Variants in USP36 observed in about 807,000 individuals in gnomAD.
USP36 encodes the protein ubiquitin carboxyl-terminal hydrolase 36.
A neutral mutation model predicts 111.5 loss-of-function variants in USP36; 59 were observed. The ratio of observed to expected loss-of-function variants is 0.53; its 90% CI spans 0.43 to 0.66. USP36 has a LOEUF of 0.66. Among genes scored for constraint, USP36 ranks in the 30% least tolerant of loss-of-function variants. USP36 has a pLI of 0.00. For synonymous variants in USP36, 628 were observed against 581.0 expected, an observed-to-expected ratio of 1.08 and a Z score of -1.16; for missense variants, 1,488 against 1,468.0, an observed-to-expected ratio of 1.01 and a Z score of -0.22.
chr17:78,834,235 C>T (rs960739593), intron 4 of USP36, among the ~76,000 whole-genome samples: 2 of 148,008 alleles, frequency 1.4e-5, no homozygotes, highest in Non-Finnish European at 3.0e-5. Flanking sequence ...CAACAGAGTC[C>T]GTCTCAAAAA....
chr17:78,807,721 A>G, intron 13 of USP36, 85 bp from the exon 14 acceptor site: 1 of 1,344,912 alleles, frequency 7.4e-7, no homozygotes, highest in Non-Finnish European at 1.0e-6. Flanking sequence ...AGTGAATCTT[A>G]GTAGCAGGCA....
intron 15 of USP36, 53 bp from the exon 16 acceptor site, chr17:78,804,031 G>A (rs1020246726): frequency 2.2e-6 from 3 of 1,372,906 alleles, no homozygotes; most frequent in Admixed American, 2.1e-5. Context: ...ACCCAGCAGA[G>A]CTGTTCCTTC....
At chr17:78,812,485 C>T (rs1289749011) in intron 13 of USP36, among the ~76,000 whole-genome samples, 1 of 151,712 alleles carries the variant, frequency 6.6e-6, no homozygotes, top group African/African-American at 2.4e-5. Context: ...GTCAGGAGAT[C>T]GAAAGCATCC....
intron 1 of USP36, among the ~76,000 whole-genome samples, chr17:78,839,558 C>CTAA (rs2069044958): frequency 6.6e-6 from 1 of 152,194 alleles, no homozygotes; most frequent in Non-Finnish European, 1.5e-5. Flanking sequence ...CGCTTGAGAA[C>CTAA]CACTTAGGGA....
chr17:78,798,361 C>A lies in USP36; in HGVS notation c.*20+39G>T, dbSNP rs187253459. On this transcript the variant is annotated intron_variant, in intron 20 of 20. Transcript: ENST00000449938. This position sits in a 1 kb window ranked among gnomAD's most constrained non-coding sequence, Gnocchi z 5.1. ...CCTACACACATACACGGCACACACA[C>A]CCCCACCTCACCCTTACACCCACCC... 10 of 1,608,166 alleles carry A rather than the reference C, an allele frequency of 6.2e-6. No individual in the cohort carries two copies. Among genetic ancestry groups the A allele is most frequent in the South Asian group, 3.3e-5 (3 of 90,966 alleles).
At chr17:78,820,968 T>C (rs1284257594) in intron 8 of USP36, 23 bp downstream of exon 8, 3 of 1,601,388 alleles carry the variant, frequency 1.9e-6, no homozygotes, top group East Asian at 2.2e-5. Context: ...ACTGCAAAAG[T>C]GAAGGGCAGG....
At chr17:78,818,586 C>A (rs889141310) in intron 10 of USP36, 81 bp downstream of exon 10, 1 of 1,257,494 alleles carries the variant, frequency 8.0e-7, no homozygotes, top group Non-Finnish European at 1.2e-6. Flanking sequence ...CTATCAAACT[C>A]GTGGCTATCA....
At chr17:78,800,763 T>G (rs2144957068) in intron 17 of USP36, among the ~76,000 whole-genome samples, 1 of 152,248 alleles carries the variant, frequency 6.6e-6, no homozygotes, top group Admixed American at 6.5e-5. Flanking sequence ...AGCGCCTCCT[T>G]GCTGAGCATG....
chr17:78,812,455 C>T (rs999713152), intron 13 of USP36, among the ~76,000 whole-genome samples: 31 of 151,696 alleles, frequency 2.0e-4, no homozygotes, highest in African/African-American at 6.3e-4. Flanking sequence ...TTTGGGAGGC[C>T]GAGGCGGGCA....
At chr17:78,791,780 T>A (rs1313768263), downstream of USP36, 1 of 152,178 alleles carries the variant, frequency 6.6e-6, no homozygotes, top group Non-Finnish European at 1.5e-5. Context: ...AATGATTAGA[T>A]TCTGGTTTCT....
At position 78,803,326 on chromosome 17, in the gene USP36, G is replaced by A. The variant is rs2093803543; in HGVS notation, c.2810+59C>T. ...CCATACCTACTTGGGGGTAGATTCT[G>A]TGGTTTTGCTTTGTTTCTCGTCAGA... On this transcript the variant is annotated intron_variant, in intron 16 of 20. Coordinates refer to ENST00000449938, the MANE Select transcript of USP36 (RefSeq NM_001385174.1). This position sits in a 1 kb window ranked among gnomAD's most constrained non-coding sequence, Gnocchi z 4.6. The A allele has an allele frequency of 7.8e-6, 12 of 1,539,726 alleles. No individual in the cohort carries two copies. The highest frequency in any genetic ancestry group is 2.7e-5 in the African/African-American group (2 of 73,274).
chr17:78,804,798 A>C (rs1337350295), intron 15 of USP36, among the ~76,000 whole-genome samples: 2 of 152,106 alleles, frequency 1.3e-5, no homozygotes, highest in African/African-American at 4.8e-5. Context: ...AAACATCTTT[A>C]ATACAAATGT....
intron 6 of USP36, chr17:78,823,277 G>A (rs529070364): frequency 1.5e-5 from 6 of 398,308 alleles, no homozygotes; most frequent in South Asian, 2.6e-4. Context: ...TAGCAAGGAC[G>A]TAATCTCTGC....
chr17:78,789,179 A>G (rs1442650599), intron 3 of USP36, among the ~76,000 whole-genome samples: 1 of 147,628 alleles, frequency 6.8e-6, no homozygotes, highest in Non-Finnish European at 1.5e-5. Flanking sequence ...CCTGGGCAAC[A>G]AGAGAGAAAC....
At chr17:78,795,056 G>A (rs898093061), downstream of USP36, among the ~76,000 whole-genome samples, 6 of 149,264 alleles carry the variant, frequency 4.0e-5, no homozygotes, top group Admixed American at 6.7e-5. The surrounding 1 kb of genome is among the most constrained non-coding windows in gnomAD (Gnocchi z 4.5). Context: ...CGCCCATGTC[G>A]CCACTGCACC....
chr17:78,821,264 T>C, intron 7 of USP36: 1 of 529,098 alleles, frequency 1.9e-6, no homozygotes, highest in Non-Finnish European at 3.4e-6. Context: ...GTCAATATCT[T>C]TGCACTCACA....
At position 78,796,648 on chromosome 17, in the gene USP36, GC is replaced by G. The variant is rs1234425233; in HGVS notation, c.*1251del. 2 of 152,362 alleles carry G rather than the reference GC, an allele frequency of 1.3e-5. No homozygotes were observed. Among genetic ancestry groups the G allele is most frequent in the Non-Finnish European group, 2.9e-5 (2 of 68,092 alleles). 9.4% of individuals were successfully genotyped at this position (152,362 alleles called of 1,614,324 possible). A position where few individuals can be genotyped will look rare whatever the true frequency, so the allele number is the denominator to read the frequency against. ...GAGCACAGGGGCAGGAAGCAAAGCT[GC>G]CCCAGGGAGAGGGGGTGCAGACAGC... On this transcript the variant is annotated 3_prime_UTR_variant, in exon 21 of 21. Coordinates refer to ENST00000449938, the MANE Select transcript of USP36 (RefSeq NM_001385174.1).
rs1567973555 is a variant in USP36, at chr17:78,835,411, T to A, written c.344A>T (p.Glu115Val). ...TCCTGCGCCCACGCGGAAGACCCGCTCCCACCTCAGAGACAGTCGCTCCGT... is the reference window on the plus strand; with the variant it reads ...TCCTGCGCCCACGCGGAAGACCCGCACCCACCTCAGAGACAGTCGCTCCGT... ...FPTERLSLRWERVFRVGAGLH... is the reference protein window; with the variant it reads ...FPTERLSLRWVRVFRVGAGLH... The change falls in exon 4 of 21, where the codon GAG becomes GTG. Residue 115 changes from glutamate to valine, a missense_variant. Around this residue, in one of 3 missense-constraint regions of USP36, gnomAD observed 219 missense variants for 209.5 expected, o/e 1.05. Coordinates refer to ENST00000449938, the MANE Select transcript of USP36 (RefSeq NM_001385174.1). 7 of 1,614,208 alleles carry A rather than the reference T, an allele frequency of 4.3e-6. No individual in the cohort carries two copies. The highest frequency in any genetic ancestry group is 5.1e-6 in the Non-Finnish European group (6 of 1,180,040).
In USP36 at chr17:78,807,326, T is replaced by C. The variant is rs1271616854; in HGVS notation, c.1718A>G (p.Asp573Gly). The C allele has an allele frequency of 6.2e-7, 1 of 1,614,206 alleles. No homozygotes were observed. The highest frequency in any genetic ancestry group is 2.2e-5 in the East Asian group (1 of 44,878). Residue 573 changes from aspartate (D) to glycine (G), a missense_variant, in exon 14 of 21, where the codon GAC becomes GGC. Physicochemically the swap from Asp to Gly is moderately conservative, Grantham distance 94. Coordinates refer to ENST00000449938, the MANE Select transcript of USP36 (RefSeq NM_001385174.1). ...RSGSQRQGSWDSRDVVLSTSP... is the reference protein window; with the variant it reads ...RSGSQRQGSWGSRDVVLSTSP... ...GGTAGAGAGGACAACATCCCTGCTG[T>C]CCCAGGAGCCCTGCCTTTGGCTCCC...
Sources: allele counts gnomAD v4.1 joint callset (sites outside exome capture counted in the v4.1 genomes callset), GRCh38; gene constraint gnomAD v4.1.1; regional missense constraint gnomAD v4.1.1; non-coding constraint Gnocchi (gnomAD v3.1); transcripts MANE v1.5; gene names NCBI Gene and HGNC (gene_info 2026-07-23, HGNC 2026-07-21).